Variants in CHRM3 observed in about 807,000 individuals in gnomAD.
The protein encoded by CHRM3 is muscarinic acetylcholine receptor M3.
Under a neutral mutation model 41.8 loss-of-function variants are expected in CHRM3, and 11 were observed. The observed-to-expected ratio is 0.26, with a 90% CI of 0.17 to 0.44. CHRM3 has a LOEUF of 0.44. Ranked by LOEUF, CHRM3 falls within the 20% of genes least tolerant of loss-of-function variation. The pLI, the probability that CHRM3 is intolerant of heterozygous loss-of-function variation, is 1.00. For missense variants in CHRM3, 571 were observed against 745.4 expected, an observed-to-expected ratio of 0.77 and a Z score of 2.72; for synonymous variants, 297 against 301.4, an observed-to-expected ratio of 0.99 and a Z score of 0.15.
chr1:239,790,266 A>T (rs991078176), intron 5 of CHRM3, among the ~76,000 whole-genome samples: 9 of 152,314 alleles, frequency 5.9e-5, no homozygotes, highest in African/African-American at 1.9e-4. Context: ...ATGTGAGGAC[A>T]TGAGATTTGG....
At position 239,404,412 on chromosome 1, in the gene CHRM3, A is replaced by AAAG. The variant is rs1558195748; in HGVS notation, c.-521+17186_-521+17187insAGA. Among the ~76,000 whole-genome samples the AAAG allele has an allele frequency of 3.2e-3, 132 of 41,342 alleles. 1 individual carries two copies. Among genetic ancestry groups the AAAG allele is most frequent in the East Asian group, 0.011 (9 of 818 alleles). 27.1% of individuals were successfully genotyped at this position (41,342 alleles called of 152,430 possible). A position where few individuals can be genotyped will look rare whatever the true frequency, so the allele number is the denominator to read the frequency against. On this transcript the variant is annotated intron_variant, in intron 1 of 6. Transcript: ENST00000676153. ...AGAAAGAAAGAAAGAAAGAAAGAAAAAGAAAGAAAGAAAGAAAGAAAGAAA... is the reference window on the plus strand; with the variant it reads ...AGAAAGAAAGAAAGAAAGAAAGAAAAAAGAGAAAGAAAGAAAGAAAGAAAGAAA...
At chr1:239,460,473 A>G (rs1665275518) in intron 1 of CHRM3, among the ~76,000 whole-genome samples, 1 of 152,160 alleles carries the variant, frequency 6.6e-6, no homozygotes, top group South Asian at 2.1e-4. Flanking sequence ...TTTTTAATCC[A>G]AGGTTGCATT....
chr1:239,602,110 GTA>G (rs1186014237), intron 3 of CHRM3, among the ~76,000 whole-genome samples: 79 of 112,836 alleles, frequency 7.0e-4, no homozygotes, highest in African/African-American at 2.4e-3. Context: ...GTGTGTGTGT[GTA>G]TATATATATA....
chr1:239,637,714 T>C (rs1670630695), intron 4 of CHRM3, among the ~76,000 whole-genome samples: 1 of 149,678 alleles, frequency 6.7e-6, no homozygotes, highest in Non-Finnish European at 1.5e-5. Context: ...ATTTTTCTTT[T>C]TTTTTTTTTT....
intron 1 of CHRM3, among the ~76,000 whole-genome samples, chr1:239,479,193 C>CAT (rs1265107860): frequency 9.6e-5 from 12 of 124,362 alleles, no homozygotes; most frequent in African/African-American, 2.9e-4. Context: ...CAAAAAACCA[C>CAT]ACACACACAC....
chr1:239,487,813 C>A (rs1572468710), intron 1 of CHRM3, among the ~76,000 whole-genome samples: 1 of 121,618 alleles, frequency 8.2e-6, no homozygotes, highest in African/African-American at 3.0e-5. Flanking sequence ...TGTGCTACTA[C>A]AAATACAAAG....
chr1:239,528,417 T>C (rs1041637914), intron 2 of CHRM3, among the ~76,000 whole-genome samples: 1 of 152,224 alleles, frequency 6.6e-6, no homozygotes, highest in Non-Finnish European at 1.5e-5. Context: ...GCTGACCATC[T>C]GTTTGAAAGT....
chr1:239,704,118 C>G (rs1471732564), intron 5 of CHRM3: 1 of 152,076 alleles, frequency 6.6e-6, no homozygotes, highest in African/African-American at 2.4e-5. Flanking sequence ...TCTGAAATGC[C>G]TCTTTACAGC....
chr1:239,479,190 C>CTACA (rs1666657863), intron 1 of CHRM3, among the ~76,000 whole-genome samples: 2 of 139,888 alleles, frequency 1.4e-5, no homozygotes, highest in Admixed American at 1.4e-4. Flanking sequence ...TTTCAAAAAA[C>CTACA]CACACACACA....
intron 1 of CHRM3, among the ~76,000 whole-genome samples, chr1:239,404,132 CA>C (rs574899115): frequency 6.7e-6 from 1 of 150,006 alleles, no homozygotes; most frequent in Admixed American, 6.7e-5. Flanking sequence ...ACCAAAAATA[CA>C]AAAAAATTAG....
chr1:239,406,706 G>A (rs1246530007), intron 1 of CHRM3, among the ~76,000 whole-genome samples: 1 of 152,156 alleles, frequency 6.6e-6, no homozygotes, highest in Non-Finnish European at 1.5e-5. Flanking sequence ...AATGCCCACT[G>A]ACCCTTTACA....
chr1:239,893,934 A>G (rs550115936), intron 6 of CHRM3, among the ~76,000 whole-genome samples: 2 of 151,978 alleles, frequency 1.3e-5, no homozygotes, highest in South Asian at 4.1e-4. Context: ...TCCGCTTTGT[A>G]TCTTATCTCT....
chr1:239,770,148 G>A (rs1005879557), intron 5 of CHRM3, among the ~76,000 whole-genome samples: 1 of 152,124 alleles, frequency 6.6e-6, no homozygotes, highest in Non-Finnish European at 1.5e-5. Flanking sequence ...GAGTACAGCC[G>A]ACCTATGGTA....
chr1:239,496,412 T>A (rs1249730028), intron 2 of CHRM3, among the ~76,000 whole-genome samples: 1 of 152,142 alleles, frequency 6.6e-6, no homozygotes, highest in African/African-American at 2.4e-5. Flanking sequence ...TCTTGCAGAT[T>A]ATTTTAAAGA....
intron 4 of CHRM3, among the ~76,000 whole-genome samples, chr1:239,664,591 A>G (rs1272573515): frequency 1.3e-5 from 2 of 151,950 alleles, no homozygotes; most frequent in East Asian, 1.9e-4. Flanking sequence ...CCTTCCTCTT[A>G]GTCTCATACG....
intron 3 of CHRM3, among the ~76,000 whole-genome samples, chr1:239,589,091 G>A (rs759694668): frequency 3.3e-5 from 5 of 151,920 alleles, no homozygotes; most frequent in Non-Finnish European, 7.4e-5. Context: ...GTGCCGTCAT[G>A]CCTGGCTGAT....
intron 4 of CHRM3, among the ~76,000 whole-genome samples, chr1:239,677,148 C>G (rs1658091613): frequency 6.6e-6 from 1 of 152,204 alleles, no homozygotes; most frequent in Non-Finnish European, 1.5e-5. Context: ...GCTCCTTGAA[C>G]TGGCAATGAT....
intron 5 of CHRM3, among the ~76,000 whole-genome samples, chr1:239,679,612 T>C (rs2149092780): frequency 6.6e-6 from 1 of 152,296 alleles, no homozygotes; most frequent in Non-Finnish European, 1.5e-5. Flanking sequence ...GTTCTACTTT[T>C]ACATTCTGTG....
At chr1:239,789,222 C>T (rs1223894211) in intron 5 of CHRM3, among the ~76,000 whole-genome samples, 1 of 152,194 alleles carries the variant, frequency 6.6e-6, no homozygotes, top group Non-Finnish European at 1.5e-5. Context: ...TGTCATGTCT[C>T]ACTGGCCAGT....
Sources: allele counts gnomAD v4.1 joint callset (sites outside exome capture counted in the v4.1 genomes callset), GRCh38; gene constraint gnomAD v4.1.1; transcripts MANE v1.5; gene names NCBI Gene and HGNC (gene_info 2026-07-23, HGNC 2026-07-21).